The following PIP4K2A variants were observed in gnomAD, a reference collection of about 807,000 sequenced individuals.
The protein encoded by PIP4K2A is phosphatidylinositol 5-phosphate 4-kinase type-2 alpha.
PIP4K2A carries 14 observed loss-of-function variants against 42.9 expected under a neutral mutation model. That is an observed-to-expected ratio of 0.33 (90% CI 0.22 to 0.51). The LOEUF is 0.51. PIP4K2A is among the 20% of genes least tolerant of loss of function. PIP4K2A has a pLI of 0.97. For synonymous variants in PIP4K2A, 192 were observed against 192.2 expected, an observed-to-expected ratio of 1.00 and a Z score of 0.01; for missense variants, 434 against 519.8, an observed-to-expected ratio of 0.83 and a Z score of 1.61.
chr10:22,561,707 T>C (rs1836707731), intron 6 of PIP4K2A, among the ~76,000 whole-genome samples: 1 of 151,430 alleles, frequency 6.6e-6, no homozygotes, highest in Non-Finnish European at 1.5e-5. Flanking sequence ...GGGCCACAAG[T>C]GTGCACCACC....
At chr10:22,712,561 G>A (rs1302500447) in intron 1 of PIP4K2A, among the ~76,000 whole-genome samples, 1 of 152,172 alleles carries the variant, frequency 6.6e-6, no homozygotes, top group African/African-American at 2.4e-5. Context: ...TAATAAAAGA[G>A]CTTAACAAAA....
At chr10:22,587,412 A>C (rs1230242079) in intron 4 of PIP4K2A, among the ~76,000 whole-genome samples, 2 of 152,240 alleles carry the variant, frequency 1.3e-5, no homozygotes, top group Non-Finnish European at 2.9e-5. Context: ...AGGCAAAAGC[A>C]ACAACAAGCA....
At chr10:22,602,878 C>T (rs1314915065) in intron 3 of PIP4K2A, among the ~76,000 whole-genome samples, 1 of 152,106 alleles carries the variant, frequency 6.6e-6, no homozygotes, top group East Asian at 1.9e-4. Flanking sequence ...CTGCTGAGCC[C>T]AGCATTGTGC....
intron 6 of PIP4K2A, among the ~76,000 whole-genome samples, chr10:22,563,252 C>A (rs1485046604): frequency 6.6e-6 from 1 of 152,172 alleles, no homozygotes; most frequent in East Asian, 1.9e-4. Context: ...AAACCTCAAC[C>A]ACAAAAAGAA....
chr10:22,704,245 G>A (rs1408498853), intron 1 of PIP4K2A, among the ~76,000 whole-genome samples: 2 of 152,104 alleles, frequency 1.3e-5, no homozygotes, highest in Non-Finnish European at 2.9e-5. Context: ...GAGCAAAAGA[G>A]GAGCCTGCAC....
chr10:22,661,631 G>C (rs928290098), intron 1 of PIP4K2A: 4 of 152,226 alleles, frequency 2.6e-5, no homozygotes, highest in Middle Eastern at 3.4e-3. Flanking sequence ...CTAACGTGCT[G>C]GGATTACTGG....
At chr10:22,584,508 G>A (rs781739478) in intron 4 of PIP4K2A, among the ~76,000 whole-genome samples, 38 of 152,066 alleles carry the variant, frequency 2.5e-4, no homozygotes, top group Non-Finnish European at 4.6e-4. Flanking sequence ...GAGAGGTGAG[G>A]CTGAAAGAGA....
intron 1 of PIP4K2A, among the ~76,000 whole-genome samples, chr10:22,635,860 A>G: frequency 6.6e-6 from 1 of 152,230 alleles, no homozygotes; most frequent in East Asian, 1.9e-4. Context: ...AGAGTGGTGA[A>G]GCCATTACCA....
At chr10:22,629,019 T>C (rs1042476512) in intron 1 of PIP4K2A, among the ~76,000 whole-genome samples, 2 of 152,172 alleles carry the variant, frequency 1.3e-5, no homozygotes, top group Non-Finnish European at 2.9e-5. Context: ...TTCAGATGGT[T>C]TGGGGACCTC....
At chr10:22,687,046 C>T (rs550624589) in intron 1 of PIP4K2A, among the ~76,000 whole-genome samples, 1 of 151,404 alleles carries the variant, frequency 6.6e-6, no homozygotes, top group South Asian at 2.1e-4. Context: ...GGATTAAGTT[C>T]TTATACATTA....
At chr10:22,563,067 C>A (rs1308667564) in intron 6 of PIP4K2A, among the ~76,000 whole-genome samples, 2 of 152,194 alleles carry the variant, frequency 1.3e-5, no homozygotes, top group East Asian at 3.8e-4. Context: ...ACATTTTGAT[C>A]TCTACCCTAC....
rs185856356 is a variant in PIP4K2A, at chr10:22,626,119, C to T, written c.145-16402G>A. 3.4e-4 allele frequency among the ~76,000 whole-genome samples: 51 copies of T among 152,226 alleles called. 2 individuals are homozygous for T. Among genetic ancestry groups the T allele is most frequent in the Admixed American group, 2.7e-3 (41 of 15,286 alleles). On this transcript the variant is annotated intron_variant, in intron 1 of 9. Transcript: ENST00000376573. Reference sequence around the variant, plus strand: ...TTTCCCATGGCCTGGTGGGAGGCTGCATTCCAGGAGCCTGCAAAAACTATG... The same window carrying T: ...TTTCCCATGGCCTGGTGGGAGGCTGTATTCCAGGAGCCTGCAAAAACTATG...
chr10:22,607,728 A>C, intron 3 of PIP4K2A, 199 bp downstream of exon 3: 1 of 373,166 alleles, frequency 2.7e-6, no homozygotes. Context: ...ACTGACTTTT[A>C]TACCGGTATC....
At chr10:22,558,033 T>A (rs1836595593) in intron 6 of PIP4K2A, among the ~76,000 whole-genome samples, 1 of 152,248 alleles carries the variant, frequency 6.6e-6, no homozygotes, top group African/African-American at 2.4e-5. Context: ...ATTTTTTGTT[T>A]GATATGCTCA....
chr10:22,543,015 G>A (rs1439083828), intron 7 of PIP4K2A, among the ~76,000 whole-genome samples: 1 of 152,232 alleles, frequency 6.6e-6, no homozygotes, highest in African/African-American at 2.4e-5. Flanking sequence ...TGGCTGAGCA[G>A]CCTCTGGGCT....
chr10:22,593,685 A>C (rs928236906), intron 3 of PIP4K2A, among the ~76,000 whole-genome samples: 2 of 152,244 alleles, frequency 1.3e-5, no homozygotes, highest in African/African-American at 2.4e-5. Flanking sequence ...CTAATTTGCA[A>C]AAGGGTATTT....
At chr10:22,636,609 C>G (rs1838669428) in intron 1 of PIP4K2A, among the ~76,000 whole-genome samples, 1 of 151,778 alleles carries the variant, frequency 6.6e-6, no homozygotes, top group African/African-American at 2.4e-5. Context: ...GGTGTAGATA[C>G]TGTCAAGCAA....
In PIP4K2A at chr10:22,574,066, G is replaced by C. The variant is rs147798525; in HGVS notation, c.493-609C>G. On this transcript the variant is annotated intron_variant, in intron 4 of 9. Transcript: ENST00000376573. ...GGTTTCCACCAAGTTAACTGGACAAGCCCAGGGTTGACACCATTTCCGAGG... is the reference window on the plus strand; with the variant it reads ...GGTTTCCACCAAGTTAACTGGACAACCCCAGGGTTGACACCATTTCCGAGG... 1.3e-3 allele frequency among the ~76,000 whole-genome samples: 200 copies of C among 150,826 alleles called. 2 individuals are homozygous for C. Among genetic ancestry groups the C allele is most frequent in the African/African-American group, 4.7e-3 (191 of 40,886 alleles).
intron 3 of PIP4K2A, among the ~76,000 whole-genome samples, chr10:22,593,468 G>C (rs1478881851): frequency 3.9e-5 from 6 of 152,140 alleles, no homozygotes; most frequent in Non-Finnish European, 7.3e-5. Context: ...TGACTTTCAG[G>C]ATGAAAATGC....
Sources: gnomAD v4.1 joint callset for allele counts (sites outside exome capture counted in the v4.1 genomes callset) on GRCh38, gnomAD v4.1.1 for gene constraint, MANE v1.5 for transcripts, NCBI Gene and HGNC (gene_info 2026-07-23, HGNC 2026-07-21) for gene names.